Variants in CATSPERT observed in about 807,000 individuals in gnomAD.
CATSPERT encodes cation channel sperm-associated targeting subunit tau.
chr2:201,536,450 G>A, the CATSPERT span: 1 of 1,191,118 alleles, frequency 8.4e-7, no homozygotes, highest in Non-Finnish European at 1.1e-6. Context: ...ATTATTATTT[G>A]TAAATTTTAA....
the CATSPERT span, among the ~76,000 whole-genome samples, chr2:201,585,492 C>G: frequency 5.0e-4 from 75 of 151,032 alleles, 1 homozygote; most frequent in African/African-American, 1.7e-3. Flanking sequence ...ATAAATAGTT[C>G]TGACAGAAGG....
At chr2:201,545,641 AAAAAAAAAAAAAG>A in the CATSPERT span, 16 of 875,136 alleles carry the variant, frequency 1.8e-5, no homozygotes, top group African/African-American at 2.1e-4. Flanking sequence ...AAAAAAAAAA[AAAAAAAAAAAAAG>A]AAAAAAAAAT....
At chr2:201,614,384 A>G in the CATSPERT span, among the ~76,000 whole-genome samples, 1 of 152,366 alleles carries the variant, frequency 6.6e-6, no homozygotes, top group South Asian at 2.1e-4. Context: ...TACAAGCCAG[A>G]AGAGAGTGGG....
the CATSPERT span, chr2:201,619,063 A>C: frequency 6.2e-7 from 1 of 1,613,980 alleles, no homozygotes. Context: ...GGCGGACAGG[A>C]CTTGGACCTG....
At chr2:201,598,965 C>A in the CATSPERT span, among the ~76,000 whole-genome samples, 2 of 152,138 alleles carry the variant, frequency 1.3e-5, no homozygotes, top group African/African-American at 4.8e-5. Flanking sequence ...AGAGACCATT[C>A]CTATAACCCA....
At chr2:201,600,532 C>G in the CATSPERT span, among the ~76,000 whole-genome samples, 1 of 151,874 alleles carries the variant, frequency 6.6e-6, no homozygotes, top group Non-Finnish European at 1.5e-5. Context: ...ACATATATAC[C>G]TATGTAACAA....
chr2:201,595,610 G>A, the CATSPERT span, among the ~76,000 whole-genome samples: 1 of 151,710 alleles, frequency 6.6e-6, no homozygotes, highest in African/African-American at 2.4e-5. Flanking sequence ...CGGGGGTCAG[G>A]GGTCAGGGAC....
chr2:201,572,086 C>A, the CATSPERT span: 1 of 1,174,774 alleles, frequency 8.5e-7, no homozygotes, highest in South Asian at 1.3e-5. Context: ...ATTGTAATAC[C>A]ATACCATATT....
the CATSPERT span, among the ~76,000 whole-genome samples, chr2:201,516,644 A>G: frequency 1.3e-5 from 2 of 152,184 alleles, no homozygotes; most frequent in Admixed American, 6.5e-5. Flanking sequence ...GCACATGACT[A>G]TATATTGAAT....
chr2:201,519,049 T>C, the CATSPERT span, among the ~76,000 whole-genome samples: 2 of 152,222 alleles, frequency 1.3e-5, no homozygotes, highest in African/African-American at 4.8e-5. Context: ...ACCACAGTTG[T>C]TGTTAGGTCA....
At chr2:201,574,306 A>G in the CATSPERT span, 1 of 1,564,814 alleles carries the variant, frequency 6.4e-7, no homozygotes, top group East Asian at 2.3e-5. Flanking sequence ...TTATTGTTTG[A>G]TCAGGATGAT....
At chr2:201,612,432 G>C in the CATSPERT span, among the ~76,000 whole-genome samples, 2 of 151,990 alleles carry the variant, frequency 1.3e-5, no homozygotes, top group African/African-American at 4.8e-5. Context: ...AAATTCACCT[G>C]GCCTGGTGGT....
At chr2:201,525,184 A>C in the CATSPERT span, among the ~76,000 whole-genome samples, 4 of 152,186 alleles carry the variant, frequency 2.6e-5, no homozygotes, top group South Asian at 6.2e-4. Context: ...CATGTGGCAC[A>C]TGCTCTAAAA....
chr2:201,523,653 C>CA, the CATSPERT span, among the ~76,000 whole-genome samples: 288 of 152,024 alleles, frequency 1.9e-3, 2 homozygotes, highest in African/African-American at 6.5e-3. Flanking sequence ...ACTGAAATGC[C>CA]GAAATGACAG....
the CATSPERT span, among the ~76,000 whole-genome samples, chr2:201,545,326 C>T: frequency 2.6e-5 from 4 of 152,102 alleles, no homozygotes; most frequent in East Asian, 1.9e-4. Context: ...CATGAGCCAC[C>T]GTGCCTGGCC....
At chr2:201,516,750 T>C in the CATSPERT span, among the ~76,000 whole-genome samples, 1 of 149,468 alleles carries the variant, frequency 6.7e-6, no homozygotes, top group South Asian at 2.1e-4. Context: ...TTGTGGAGAT[T>C]TTTTTTCCCC....
chr2:201,496,334 T>TTTTA, the CATSPERT span, among the ~76,000 whole-genome samples: 1 of 152,062 alleles, frequency 6.6e-6, no homozygotes, highest in African/African-American at 2.4e-5. Context: ...TGAGATAGCA[T>TTTTA]TTTATTTATT....
chr2:201,597,461 C>T, the CATSPERT span, among the ~76,000 whole-genome samples: 2 of 152,140 alleles, frequency 1.3e-5, no homozygotes, highest in Non-Finnish European at 2.9e-5. Context: ...TTCCAGCCCC[C>T]GTAGGAGCCC....
At chr2:201,491,791 C>A in the CATSPERT span, 108 of 1,536,924 alleles carry the variant, frequency 7.0e-5, no homozygotes, top group Non-Finnish European at 8.7e-5. Flanking sequence ...CTTTTCACAC[C>A]AAGCTTTTGA....
Sources: gnomAD v4.1 joint callset for allele counts (sites outside exome capture counted in the v4.1 genomes callset) on GRCh38, gnomAD v4.1.1 for gene constraint, MANE v1.5 for transcripts, NCBI Gene and HGNC (gene_info 2026-07-23, HGNC 2026-07-21) for gene names.